CLNK: variants seen among roughly 807,000 people sequenced by gnomAD.
The protein encoded by CLNK is cytokine-dependent hematopoietic cell linker.
CLNK carries 74 observed loss-of-function variants against 68.6 expected under a neutral mutation model. That is an observed-to-expected ratio of 1.08 (90% CI 0.89 to 1.31). The LOEUF (loss-of-function observed/expected upper bound fraction) is 1.31. CLNK is among the 50% of genes most tolerant of loss of function. CLNK has a pLI of 0.00. For missense variants in CLNK, 553 were observed against 515.3 expected, an observed-to-expected ratio of 1.07 and a Z score of -0.71; for synonymous variants, 198 against 172.2, an observed-to-expected ratio of 1.15 and a Z score of -1.17.
At chr4:10,529,963 A>G (rs1463918857) in intron 12 of CLNK, among the ~76,000 whole-genome samples, 2 of 151,954 alleles carry the variant, frequency 1.3e-5, no homozygotes, top group Admixed American at 1.3e-4. Context: ...TATCTCTTTT[A>G]TTACCTCTCT....
chr4:10,576,338 T>C (rs1161158501), intron 4 of CLNK, among the ~76,000 whole-genome samples: 1 of 152,212 alleles, frequency 6.6e-6, no homozygotes, highest in Non-Finnish European at 1.5e-5. Context: ...CATATCTGCA[T>C]CCCAGGAGAG....
chr4:10,660,878 C>G (rs1724168522), intron 2 of CLNK, among the ~76,000 whole-genome samples: 1 of 152,238 alleles, frequency 6.6e-6, no homozygotes, highest in Non-Finnish European at 1.5e-5. Context: ...TATGTTCCCT[C>G]ACAGCTTGCA....
chr4:10,491,383 A>C (rs201024576), intron 18 of CLNK, among the ~76,000 whole-genome samples: 2 of 12,586 alleles, frequency 1.6e-4, no homozygotes, highest in Non-Finnish European at 6.6e-4. Context: ...GAATGTAGTA[A>C]ATTGGTGGGC....
intron 1 of CLNK, among the ~76,000 whole-genome samples, chr4:10,673,202 T>C (rs1377657545): frequency 3.3e-5 from 5 of 152,166 alleles, no homozygotes; most frequent in Non-Finnish European, 2.9e-5. Flanking sequence ...GGCTTTACAA[T>C]GTGCCAGTCA....
intron 2 of CLNK, among the ~76,000 whole-genome samples, chr4:10,646,826 A>T (rs746373037): frequency 6.6e-6 from 1 of 152,192 alleles, no homozygotes; most frequent in Non-Finnish European, 1.5e-5. Context: ...CTTTATGCAC[A>T]TGTTCCTAGA....
the CLNK span, among the ~76,000 whole-genome samples, chr4:10,711,351 G>C: frequency 6.6e-6 from 1 of 152,154 alleles, no homozygotes; most frequent in South Asian, 2.1e-4. Flanking sequence ...TCTAACTTGG[G>C]TCTTCAATCT....
the CLNK span, among the ~76,000 whole-genome samples, chr4:10,695,269 G>A: frequency 6.6e-6 from 1 of 152,062 alleles, no homozygotes; most frequent in South Asian, 2.1e-4. Flanking sequence ...GTATACATGT[G>A]CCATAACCTC....
At chr4:10,579,683 G>A (rs1234082462) in intron 4 of CLNK, among the ~76,000 whole-genome samples, 1 of 152,164 alleles carries the variant, frequency 6.6e-6, no homozygotes, top group Non-Finnish European at 1.5e-5. Context: ...AGCAAACTTT[G>A]ATATGGAAAT....
At chr4:10,667,621 T>C (rs1427300905) in intron 2 of CLNK, among the ~76,000 whole-genome samples, 3 of 152,040 alleles carry the variant, frequency 2.0e-5, no homozygotes, top group Non-Finnish European at 4.4e-5. Context: ...ATCTTGTCCC[T>C]GCCCACCACA....
intron 3 of CLNK, among the ~76,000 whole-genome samples, chr4:10,595,091 C>G (rs573442529): frequency 1.3e-5 from 2 of 151,584 alleles, no homozygotes; most frequent in Non-Finnish European, 1.5e-5. Flanking sequence ...CAAAAAAAAC[C>G]AAACCAAACC....
chr4:10,552,159 A>C (rs1401406332), intron 8 of CLNK, among the ~76,000 whole-genome samples: 1 of 151,934 alleles, frequency 6.6e-6, no homozygotes, highest in African/African-American at 2.4e-5. Context: ...CCCGGCCGAG[A>C]ATTATAATAT....
At chr4:10,601,259 G>C (rs1437705332) in intron 2 of CLNK, among the ~76,000 whole-genome samples, 1 of 152,136 alleles carries the variant, frequency 6.6e-6, no homozygotes, top group Admixed American at 6.5e-5. Flanking sequence ...AGCCAGCGCA[G>C]GCCCAGCTGG....
At chr4:10,654,031 A>G (rs1723859085) in intron 2 of CLNK, among the ~76,000 whole-genome samples, 1 of 144,496 alleles carries the variant, frequency 6.9e-6, no homozygotes, top group African/African-American at 2.4e-5. Flanking sequence ...GAAAGGTCCA[A>G]CGTATTCCCC....
chr4:10,598,196 A>G (rs1721457316), intron 2 of CLNK, 147 bp from the exon 3 acceptor site: 2 of 617,008 alleles, frequency 3.2e-6, no homozygotes, highest in Non-Finnish European at 5.6e-6. Context: ...TCTTTGCATT[A>G]CCACTAGGGT....
intron 14 of CLNK, 88 bp from the exon 15 acceptor site, chr4:10,520,919 G>T: frequency 1.1e-6 from 1 of 912,520 alleles, no homozygotes; most frequent in Non-Finnish European, 1.8e-6. Flanking sequence ...AATGATAATA[G>T]CCTGAAGTCA....
intron 2 of CLNK, among the ~76,000 whole-genome samples, chr4:10,625,308 A>G (rs1722624307): frequency 6.6e-6 from 1 of 152,200 alleles, no homozygotes; most frequent in Non-Finnish European, 1.5e-5. Context: ...TTGGCGTACA[A>G]AGGCAGAGAG....
intron 8 of CLNK, among the ~76,000 whole-genome samples, chr4:10,551,067 C>T (rs1437603193): frequency 1.3e-5 from 2 of 152,122 alleles, no homozygotes; most frequent in African/African-American, 4.8e-5. Flanking sequence ...CGCTCAGAAA[C>T]AGCATGCGAG....
chr4:10,516,243 G>A (rs1404392442), intron 15 of CLNK, among the ~76,000 whole-genome samples: 2 of 151,966 alleles, frequency 1.3e-5, no homozygotes, highest in Non-Finnish European at 2.9e-5. Context: ...AACATGAAAT[G>A]GAAAAGAGGT....
rs1196246444 is a variant in CLNK, at chr4:10,520,818, T to C, written c.745A>G (p.Thr249Ala). 1 of 1,606,646 alleles carries C rather than the reference T, an allele frequency of 6.2e-7. No homozygotes were observed. The highest frequency in any genetic ancestry group is 8.5e-7 in the Non-Finnish European group (1 of 1,175,222). The change falls in exon 15 of 19, where the codon ACA (threonine) becomes GCA (alanine). Residue 249 changes from threonine (T) to alanine (A), a missense_variant. Physicochemically the swap from Thr to Ala is moderately conservative, Grantham distance 58. Transcript: ENST00000226951. ...PLAISSSSFT[T>A]SNHSVQNRDH... ...CTGTTTTGCACACTGTGGTTGCTTG[T>C]CGTGAATGAAGAACTATAAGAAAAT...
Sources: allele counts gnomAD v4.1 joint callset (sites outside exome capture counted in the v4.1 genomes callset), GRCh38; gene constraint gnomAD v4.1.1; transcripts MANE v1.5; gene names NCBI Gene and HGNC (gene_info 2026-07-23, HGNC 2026-07-21).